The following GLE1 variants were observed in gnomAD, a reference collection of about 807,000 sequenced individuals.
The protein encoded by GLE1 is mRNA export factor GLE1.
Under a neutral mutation model 97.3 loss-of-function variants are expected in GLE1, and 78 were observed. That is an observed-to-expected ratio of 0.80 (90% CI 0.67 to 0.97). GLE1 has a LOEUF of 0.97. Ranked by LOEUF, GLE1 falls within the 50% of genes least tolerant of loss-of-function variation. The pLI is 0.00. For synonymous variants in GLE1, 302 were observed against 313.4 expected, an observed-to-expected ratio of 0.96 and a Z score of 0.39; for missense variants, 753 against 857.5, an observed-to-expected ratio of 0.88 and a Z score of 1.52.
At chr9:128,507,608 TC>T (rs1161680809) in intron 1 of GLE1, among the ~76,000 whole-genome samples, 1 of 139,008 alleles carries the variant, frequency 7.2e-6, no homozygotes, top group Non-Finnish European at 1.5e-5. Context: ...AAAAAAATAG[TC>T]GGGCGTGGTG....
In GLE1 at chr9:128,533,523, G is replaced by A. The variant is rs368572329; in HGVS notation, c.1323G>A (p.Leu441=). The change falls in exon 10 of 16, where the codon CTG becomes CTA. Residue 441 remains leucine (L), a synonymous_variant. Transcript: ENST00000309971. ...SQISTIAGSK[L]KEIFDKIHSL... ...CTCTATCATGCTCAGGCTCAAAACTGAAGGAGATCTTTGACAAGATCCACA... is the reference window on the plus strand; with the variant it reads ...CTCTATCATGCTCAGGCTCAAAACTAAAGGAGATCTTTGACAAGATCCACA... 5.5e-5 allele frequency: 89 copies of A among 1,609,130 alleles called. No homozygotes were observed. The highest frequency in any genetic ancestry group is 7.3e-5 in the Non-Finnish European group (86 of 1,177,120).
At chr9:128,506,512 A>C (rs1846644839) in intron 1 of GLE1, among the ~76,000 whole-genome samples, 1 of 152,166 alleles carries the variant, frequency 6.6e-6, no homozygotes, top group Admixed American at 6.5e-5. Context: ...TTGACACAAA[A>C]AGATGTCCCA....
intron 2 of GLE1, among the ~76,000 whole-genome samples, chr9:128,510,234 C>CTT (rs778018874): frequency 6.9e-6 from 1 of 144,394 alleles, no homozygotes; most frequent in Non-Finnish European, 1.5e-5. Flanking sequence ...TTTTCTTTTT[C>CTT]TTTTTTTTTT....
In GLE1 at chr9:128,523,643, G is replaced by C. The variant is rs772214214; in HGVS notation, c.694G>C (p.Glu232Gln). ...AGAGCAGCAGCGCGTGAAGCAAGCA[G>C]AACAGGAGCGGCTTCGGAAGGAAGA... ...EAEQQRVKQA[E>Q]QERLRKEEGQ... is the part of the protein sequence containing the mutation. Residue 232 changes from glutamate (E) to glutamine (Q), a missense_variant, in exon 6 of 16, where the codon GAA becomes CAA. Coordinates refer to ENST00000309971, the MANE Select transcript of GLE1 (RefSeq NM_001003722.2). 2.5e-6 allele frequency: 4 copies of C among 1,614,150 alleles called. No individual in the cohort carries two copies. The South Asian group carries it at 4.4e-5, about 18-fold the overall frequency.
At chr9:128,522,854 G>A (rs762293112) in intron 4 of GLE1, 38 bp downstream of exon 4, 16 of 1,608,034 alleles carry the variant, frequency 1.0e-5, no homozygotes, top group Non-Finnish European at 1.4e-5. Context: ...ATGTTGATGT[G>A]TTCAACTGGA....
intron 2 of GLE1, 140 bp downstream of exon 2, chr9:128,509,237 A>C (rs889601593): frequency 1.4e-6 from 1 of 698,362 alleles, no homozygotes; most frequent in Non-Finnish European, 2.6e-6. Flanking sequence ...CAATGTTGAC[A>C]GCACCATTCA....
At chr9:128,510,302 C>T (rs1846772244) in intron 2 of GLE1, among the ~76,000 whole-genome samples, 1 of 149,692 alleles carries the variant, frequency 6.7e-6, no homozygotes, top group Admixed American at 6.7e-5. Flanking sequence ...AATTTCAGCT[C>T]ACTGCAACTT....
At chr9:128,507,210 T>C (rs534686800) in intron 1 of GLE1, among the ~76,000 whole-genome samples, 1 of 152,256 alleles carries the variant, frequency 6.6e-6, no homozygotes, top group Admixed American at 6.5e-5. Flanking sequence ...TTTAAAATAT[T>C]ATTAGGCTGG....
rs1846900162 is a variant in GLE1 at position 128,513,951 on chromosome 9, G to A, written c.322-1578G>A. On this transcript the variant is annotated intron_variant, in intron 2 of 15. Coordinates refer to ENST00000309971, the MANE Select transcript of GLE1 (RefSeq NM_001003722.2). ...GAGAATGGCATGAACCCGGGAGGCA[G>A]AGCTTGCAGTGAGCCGAGATTGCGC... Among the ~76,000 whole-genome samples the A allele has an allele frequency of 2.0e-5, 3 of 149,696 alleles. No homozygotes were observed. In the Admixed American group the frequency reaches 2.0e-4, roughly 10 times the overall value.
At chr9:128,521,017 C>A (rs1469726732) in intron 3 of GLE1, among the ~76,000 whole-genome samples, 2 of 152,120 alleles carry the variant, frequency 1.3e-5, no homozygotes, top group Non-Finnish European at 2.9e-5. Context: ...CCACTTTGGC[C>A]TCCTCAAGTG....
chr9:128,540,585 G>GT (rs1387905554), intron 15 of GLE1: 2 of 523,796 alleles, frequency 3.8e-6, no homozygotes, highest in Non-Finnish European at 3.4e-6. Flanking sequence ...TATATTTAGT[G>GT]TATCTCCTCT....
rs1308459636 is a variant in GLE1, at chr9:128,541,117, A to C, written c.2044A>C (p.Lys682Gln). Reference sequence around the variant, plus strand: ...CCCTGACCAGAAATGTTTGCAACACAAGGACATTCCTGTCCCCAAGGGCTT... The same window carrying C: ...CCCTGACCAGAAATGTTTGCAACACCAGGACATTCCTGTCCCCAAGGGCTT... ...KQFLEKCLQH[K>Q]DIPVPKGFLT... is the part of the protein sequence containing the mutation. The change falls in exon 16 of 16, where the codon AAG becomes CAG. Residue 682 changes from lysine (K) to glutamine (Q), a missense_variant. Coordinates refer to ENST00000309971, the MANE Select transcript of GLE1 (RefSeq NM_001003722.2). 2 of 1,580,232 alleles carry C rather than the reference A, an allele frequency of 1.3e-6. No individual in the cohort carries two copies. The highest frequency in any genetic ancestry group is 4.5e-5 in the East Asian group (2 of 44,772).
intron 3 of GLE1, among the ~76,000 whole-genome samples, chr9:128,519,328 T>G (rs1215097966): frequency 1.3e-5 from 2 of 152,200 alleles, no homozygotes; most frequent in Non-Finnish European, 2.9e-5. Flanking sequence ...AAAGCCATAT[T>G]TCTCTTCTTT....
At position 128,522,775 on chromosome 9, in the gene GLE1, G is replaced by A. The variant is rs1294266288; in HGVS notation, c.540G>A (p.Gln180=). Residue 180 remains glutamine, a synonymous_variant, in exon 4 of 16, where the codon CAG becomes CAA. Coordinates refer to ENST00000309971, the MANE Select transcript of GLE1 (RefSeq NM_001003722.2). ...KRFDEWKELK[Q]HKEFQDLREV... ...TTGATGAATGGAAGGAACTGAAGCAGCATAAAGAATTCCAGGACTTGCGGG... is the reference window on the plus strand; with the variant it reads ...TTGATGAATGGAAGGAACTGAAGCAACATAAAGAATTCCAGGACTTGCGGG... 2 of 1,613,824 alleles carry A rather than the reference G, an allele frequency of 1.2e-6. No individual in the cohort carries two copies. Among genetic ancestry groups the A allele is most frequent in the South Asian group, 1.1e-5 (1 of 91,078 alleles).
chr9:128,522,423 A>G (rs535460595), intron 3 of GLE1, among the ~76,000 whole-genome samples: 1 of 152,234 alleles, frequency 6.6e-6, no homozygotes, highest in South Asian at 2.1e-4. Flanking sequence ...TAGGGAGGCC[A>G]AGGCAGGCGG....
At chr9:128,536,553 G>A (rs1174687581) in intron 12 of GLE1, 69 bp downstream of exon 12, 1 of 1,398,488 alleles carries the variant, frequency 7.2e-7, no homozygotes, top group Non-Finnish European at 1.0e-6. Context: ...CCTCCCACAG[G>A]AAATGTTGGC....
At chr9:128,524,125 G>C (rs1457928897) in intron 6 of GLE1, among the ~76,000 whole-genome samples, 1 of 131,156 alleles carries the variant, frequency 7.6e-6, no homozygotes, top group African/African-American at 2.9e-5. Flanking sequence ...TGTCACCCAG[G>C]CTGGAGTGCA....
At chr9:128,537,922 A>G in intron 12 of GLE1, 64 bp from the exon 13 acceptor site, 2 of 909,102 alleles carry the variant, frequency 2.2e-6, no homozygotes, top group East Asian at 2.4e-5. Context: ...GCTGGATGAT[A>G]CACTGGGAGT....
At chr9:128,521,256 G>T (rs1847143351) in intron 3 of GLE1, among the ~76,000 whole-genome samples, 1 of 152,098 alleles carries the variant, frequency 6.6e-6, no homozygotes, top group Non-Finnish European at 1.5e-5. Context: ...TTTAAGACTG[G>T]GTACAGTTGG....
Sources: allele counts gnomAD v4.1 joint callset (sites outside exome capture counted in the v4.1 genomes callset), GRCh38; gene constraint gnomAD v4.1.1; transcripts MANE v1.5; gene names NCBI Gene and HGNC (gene_info 2026-07-23, HGNC 2026-07-21).